MAST4: variants seen among roughly 807,000 people sequenced by gnomAD.
The protein encoded by MAST4 is microtubule-associated serine/threonine-protein kinase 4.
MAST4 carries 89 observed loss-of-function variants against 162.7 expected under a neutral mutation model. That is an observed-to-expected ratio of 0.55 (90% CI 0.46 to 0.65). MAST4 has a LOEUF of 0.65. MAST4 is among the 30% of genes least tolerant of loss of function. MAST4 has a pLI of 0.00. For missense variants in MAST4, 3,153 were observed against 3,374.0 expected, an observed-to-expected ratio of 0.93 and a Z score of 1.62; for synonymous variants, 1,479 against 1,361.1, an observed-to-expected ratio of 1.09 and a Z score of -1.91.
chr5:67,134,709 T>A, intron 18 of MAST4, 21 bp downstream of exon 18: 2 of 1,593,962 alleles, frequency 1.3e-6, no homozygotes, highest in East Asian at 4.5e-5. Flanking sequence ...TCAGGAGTTA[T>A]CTTTAGGTCA....
rs1424997985 is a variant in MAST4 at position 67,078,802 on chromosome 5, ATTTATATTTATATT to A, written c.764-11344_764-11331del. On this transcript the variant is annotated intron_variant, in intron 5 of 28. Coordinates refer to ENST00000403625, the MANE Select transcript of MAST4 (RefSeq NM_001164664.2). ...TATTTATATTTATCTAAATATATTT[ATTTATATTTATATT>A]TTTATATTTATATTTATATATTTAA... 5.5e-5 allele frequency among the ~76,000 whole-genome samples: 7 copies of A among 127,436 alleles called. No homozygotes were observed. The South Asian group carries it at 1.3e-3, about 24-fold the overall frequency. The allele number at this position is 127,436 out of a possible 152,430, so 83.6% of individuals were successfully genotyped here.
intron 4 of MAST4, among the ~76,000 whole-genome samples, chr5:67,011,535 A>G (rs1157319068): frequency 6.6e-6 from 1 of 152,206 alleles, no homozygotes; most frequent in Non-Finnish European, 1.5e-5. Flanking sequence ...GACGCCGTCC[A>G]GTAACCTGGG....
intron 4 of MAST4, among the ~76,000 whole-genome samples, chr5:66,979,280 A>G (rs1405776673): frequency 6.6e-6 from 1 of 152,180 alleles, no homozygotes; most frequent in African/African-American, 2.4e-5. Context: ...GGAGGTGTCA[A>G]CAGAGACACT....
intron 14 of MAST4, among the ~76,000 whole-genome samples, chr5:67,122,296 T>G (rs1427892341): frequency 6.6e-6 from 1 of 152,206 alleles, no homozygotes; most frequent in Admixed American, 6.5e-5. Context: ...ACAAGGGATG[T>G]TTCTGTTACC....
intron 1 of MAST4, among the ~76,000 whole-genome samples, chr5:66,640,325 T>G (rs1211515406): frequency 6.6e-6 from 1 of 151,332 alleles, no homozygotes; most frequent in East Asian, 1.9e-4. Flanking sequence ...TTTTTTTTTT[T>G]GAGACGGAGT....
intron 2 of MAST4, among the ~76,000 whole-genome samples, chr5:66,770,235 G>T (rs190264999): frequency 1.3e-5 from 2 of 152,292 alleles, no homozygotes; most frequent in East Asian, 3.9e-4. Flanking sequence ...TTTATAGCCT[G>T]GATATTTTGT....
intron 4 of MAST4, among the ~76,000 whole-genome samples, chr5:66,984,178 T>G (rs1749188248): frequency 6.6e-6 from 1 of 151,980 alleles, no homozygotes; most frequent in Non-Finnish European, 1.5e-5. Flanking sequence ...TGCAGAGAAG[T>G]AAAACAGGGG....
At chr5:66,899,877 GT>G in intron 3 of MAST4, 73 bp from the exon 4 acceptor site, 1 of 1,179,510 alleles carries the variant, frequency 8.5e-7, no homozygotes, top group Non-Finnish European at 1.2e-6. Context: ...TACATTCTAC[GT>G]TATCCATTTG....
At chr5:66,630,549 T>TTGTAA (rs1422364476) in intron 1 of MAST4, among the ~76,000 whole-genome samples, 2 of 152,128 alleles carry the variant, frequency 1.3e-5, no homozygotes, top group Admixed American at 1.3e-4. Flanking sequence ...ATAAAACAAA[T>TTGTAA]TTACAAACAC....
At chr5:66,648,545 G>A (rs1206321890) in intron 1 of MAST4, among the ~76,000 whole-genome samples, 2 of 151,754 alleles carry the variant, frequency 1.3e-5, no homozygotes, top group African/African-American at 4.8e-5. Flanking sequence ...ATTCTGTTTT[G>A]TCTTTGGCAT....
At chr5:66,739,807 T>A (rs559153200) in intron 1 of MAST4, among the ~76,000 whole-genome samples, 1 of 152,024 alleles carries the variant, frequency 6.6e-6, no homozygotes, top group Non-Finnish European at 1.5e-5. Flanking sequence ...GTACATGTTT[T>A]TTTTTCTGCC....
rs374617254 is a variant in MAST4 at position 67,028,256 on chromosome 5, AAAC to A, written c.675-26133_675-26131del. ...AATGTGGAAGACTGTAATCTAGGCA[AAAC>A]AACAACAACAACAATACAAAACAAA... On this transcript the variant is annotated intron_variant, in intron 4 of 28. Transcript: ENST00000403625. Among the ~76,000 whole-genome samples, 6 of 152,166 alleles carry A rather than the reference AAAC, an allele frequency of 3.9e-5. No homozygotes were observed. In the Middle Eastern group the frequency reaches 0.01, roughly 259 times the overall value.
intron 2 of MAST4, among the ~76,000 whole-genome samples, chr5:66,778,621 T>C (rs1754709762): frequency 6.6e-6 from 1 of 152,352 alleles, no homozygotes; most frequent in East Asian, 1.9e-4. Flanking sequence ...TTAATGTGTT[T>C]CCATTTAAAA....
rs1766073332 is a variant in MAST4, at chr5:67,110,217, G to A, written c.1458+18G>A. 1 of 1,539,000 alleles carries A rather than the reference G, an allele frequency of 6.5e-7. No individual in the cohort carries two copies. Among genetic ancestry groups the A allele is most frequent in the Non-Finnish European group, 9.0e-7 (1 of 1,111,780 alleles). ...AGTGCCTGGTAAGTTGCCCCTTGAT[G>A]TGACTACATTATTTATTGTTAACTG... On this transcript the variant is annotated intron_variant, in intron 11 of 28. Transcript: ENST00000403625.
chr5:66,977,420 C>A (rs1748288642), intron 4 of MAST4, among the ~76,000 whole-genome samples: 1 of 152,004 alleles, frequency 6.6e-6, no homozygotes, highest in Admixed American at 6.6e-5. Context: ...TTTTAGAACA[C>A]CCCACATGAT....
intron 19 of MAST4, among the ~76,000 whole-genome samples, chr5:67,140,071 A>G (rs942112120): frequency 6.6e-6 from 1 of 152,220 alleles, no homozygotes; most frequent in African/African-American, 2.4e-5. Context: ...TTGGCCCTAG[A>G]GAAACTGCTT....
At chr5:66,747,130 GTA>G (rs1419945433) in intron 1 of MAST4, among the ~76,000 whole-genome samples, 66 of 143,678 alleles carry the variant, frequency 4.6e-4, no homozygotes, top group Non-Finnish European at 7.7e-4. Flanking sequence ...GTGTGTGTGT[GTA>G]TGTATGTGTG....
chr5:67,124,030 C>T (rs182947151), intron 14 of MAST4, among the ~76,000 whole-genome samples: 44 of 152,310 alleles, frequency 2.9e-4, no homozygotes, highest in Non-Finnish European at 4.9e-4. Flanking sequence ...ATTTTATACA[C>T]GCTAGACATT....
At chr5:67,146,698 T>G (rs1306970104) in intron 23 of MAST4, among the ~76,000 whole-genome samples, 1 of 152,208 alleles carries the variant, frequency 6.6e-6, no homozygotes, top group Non-Finnish European at 1.5e-5. Context: ...TATAGTTTAT[T>G]GTGGGGGAAA....
Sources: gnomAD v4.1 joint callset for allele counts (sites outside exome capture counted in the v4.1 genomes callset) on GRCh38, gnomAD v4.1.1 for gene constraint, MANE v1.5 for transcripts, NCBI Gene and HGNC (gene_info 2026-07-23, HGNC 2026-07-21) for gene names.